The following VPS8 variants were observed in gnomAD, a reference collection of about 807,000 sequenced individuals.
The protein encoded by VPS8 is vacuolar protein sorting-associated protein 8 homolog.
Under a neutral mutation model 216.4 loss-of-function variants are expected in VPS8, and 129 were observed. The ratio of observed to expected loss-of-function variants is 0.60; its 90% confidence interval spans 0.52 to 0.69. The LOEUF is 0.69. VPS8 is among the 30% of genes least tolerant of loss of function. The probability of loss-of-function intolerance (pLI) is 0.00; values close to 1 mark genes in which losing one functional copy is unlikely to be tolerated. For missense variants in VPS8, 1,531 were observed against 1,683.5 expected (o/e 0.91, Z 1.59); for synonymous variants, 571 against 565.4 (o/e 1.01, Z -0.14).
intron 46 of VPS8, among the ~76,000 whole-genome samples, chr3:185,042,323 A>C (rs1711836404): frequency 6.6e-6 from 1 of 152,228 alleles, no homozygotes; most frequent in Non-Finnish European, 1.5e-5. Context: ...GCTAGGGCAG[A>C]TCCCCGGAGT....
At chr3:184,929,711 T>A in intron 33 of VPS8, 47 bp downstream of exon 33, 2 of 1,126,904 alleles carry the variant, frequency 1.8e-6, no homozygotes, top group Non-Finnish European at 2.5e-6. Context: ...CAACTTTCCC[T>A]CTTATTGAGT....
intron 26 of VPS8, among the ~76,000 whole-genome samples, chr3:184,914,752 C>G (rs1005157474): frequency 6.6e-6 from 1 of 152,132 alleles, no homozygotes; most frequent in African/African-American, 2.4e-5. Flanking sequence ...TACGAAGAAA[C>G]GAAAGCTCCC....
intron 42 of VPS8, among the ~76,000 whole-genome samples, chr3:184,985,498 G>A (rs1230642670): frequency 6.6e-6 from 1 of 152,136 alleles, no homozygotes; most frequent in Non-Finnish European, 1.5e-5. Flanking sequence ...ACTATTCATA[G>A]GGCTCTATTC....
intron 46 of VPS8, among the ~76,000 whole-genome samples, chr3:185,027,400 G>A (rs1402457633): frequency 2.0e-5 from 3 of 151,660 alleles, no homozygotes; most frequent in Non-Finnish European, 4.4e-5. Flanking sequence ...CCGCCACCAC[G>A]CCCGGCTAAT....
At position 184,996,507 on chromosome 3, in the gene VPS8, A is replaced by C; in HGVS notation, c.3836+6A>C. On this transcript the variant is annotated splice_donor_region_variant and intron_variant, in intron 44 of 47. Transcript: ENST00000625842. ...GATGAAATAATTGTCTTTAGGTAAG[A>C]AAGGGAAGGAAATGTTACATGTATG... 1 of 1,597,934 alleles carries C rather than the reference A, an allele frequency of 6.3e-7. No homozygotes were observed. The highest frequency in any genetic ancestry group is 8.5e-7 in the Non-Finnish European group (1 of 1,172,024).
chr3:185,033,237 G>A (rs193272807), intron 46 of VPS8, among the ~76,000 whole-genome samples: 13 of 152,248 alleles, frequency 8.5e-5, no homozygotes, highest in South Asian at 2.1e-4. Flanking sequence ...CCATTACACC[G>A]TCATACAGAA....
intron 34 of VPS8, among the ~76,000 whole-genome samples, chr3:184,935,966 G>A (rs1375050492): frequency 6.6e-6 from 1 of 152,080 alleles, no homozygotes; most frequent in Non-Finnish European, 1.5e-5. Context: ...TCTCCTGCAG[G>A]TATCATGGCT....
intron 36 of VPS8, among the ~76,000 whole-genome samples, chr3:184,946,351 C>T (rs1743664962): frequency 6.6e-6 from 1 of 152,208 alleles, no homozygotes; most frequent in Admixed American, 6.5e-5. Flanking sequence ...AATTAAATTC[C>T]ACTCATGGTT....
At chr3:184,990,022 G>A (rs939018157) in intron 42 of VPS8, among the ~76,000 whole-genome samples, 10 of 152,130 alleles carry the variant, frequency 6.6e-5, no homozygotes, top group Middle Eastern at 3.4e-3. Context: ...GCAGCGAGCC[G>A]AGACCACGCC....
Position 184,936,294 on chromosome 3 carries a change from C to A in VPS8, c.2947C>A (p.His983Asn). 6.2e-7 allele frequency: 1 copy of A among 1,611,918 alleles called. No homozygotes were observed. The highest frequency in any genetic ancestry group is 8.5e-7 in the Non-Finnish European group (1 of 1,179,082). Reference protein sequence around the residue: ...PCKAAELVATHFSGHIETVIK... With the variant: ...PCKAAELVATNFSGHIETVIK... ...TAAAGCTGCGGAGCTGGTTGCCACC[C>A]ACTTTTCTGGACATATTGAAACGGT... Residue 983 changes from histidine to asparagine, a missense_variant, in exon 35 of 48, where the codon CAC becomes AAC. Physicochemically the swap from His to Asn is moderately conservative, Grantham distance 68 (BLOSUM62 1). Around this residue, in one of 3 missense-constraint regions of VPS8, gnomAD observed 1,318 missense variants for 1,468.4 expected, o/e 0.90. Transcript: ENST00000625842.
intron 36 of VPS8, among the ~76,000 whole-genome samples, chr3:184,950,668 C>T (rs1018918273): frequency 6.6e-6 from 1 of 152,020 alleles, no homozygotes; most frequent in Non-Finnish European, 1.5e-5. Context: ...ATACATGTGC[C>T]ATGGTGGTTT....
chr3:184,910,281 A>G (rs1365894721), intron 25 of VPS8, among the ~76,000 whole-genome samples: 2 of 151,626 alleles, frequency 1.3e-5, no homozygotes, highest in Non-Finnish European at 2.9e-5. Context: ...CTAATTTTTA[A>G]ACTGTTTATG....
At chr3:184,907,899 G>T (rs1426862000) in intron 25 of VPS8, among the ~76,000 whole-genome samples, 1 of 152,114 alleles carries the variant, frequency 6.6e-6, no homozygotes, top group African/African-American at 2.4e-5. Context: ...GTCAGCCATG[G>T]GTTATAAATT....
intron 7 of VPS8, among the ~76,000 whole-genome samples, chr3:184,841,652 C>A (rs1407181523): frequency 6.6e-6 from 1 of 152,162 alleles, no homozygotes; most frequent in East Asian, 1.9e-4. Context: ...TAGAAAAGTT[C>A]TGTCAGCCTG....
intron 24 of VPS8, among the ~76,000 whole-genome samples, chr3:184,898,943 A>G (rs953400254): frequency 2.6e-5 from 4 of 152,130 alleles, no homozygotes; most frequent in African/African-American, 9.7e-5. Context: ...TTTTTCTCCT[A>G]AGAATTTTTG....
rs372412976 is a variant in VPS8, at chr3:184,940,195, A to G, written c.2989-2A>G. ...TGTAATTTTTATTGTTTTTCTGTTC[A>G]GAACCAGGTTTTGCTTTTCAAATTT... On this transcript the variant is annotated splice_acceptor_variant, in intron 35 of 47. Transcript: ENST00000625842. LOFTEE classifies it high-confidence loss of function. 6.7e-7 allele frequency: 1 copy of G among 1,493,242 alleles called. No homozygotes were observed. The highest frequency in any genetic ancestry group is 9.0e-7 in the Non-Finnish European group (1 of 1,113,490). The allele number at this position is 1,493,242 out of a possible 1,614,324, so 92.5% of individuals were successfully genotyped here.
At chr3:184,848,694 G>T (rs556543487) in intron 8 of VPS8, among the ~76,000 whole-genome samples, 21 of 151,496 alleles carry the variant, frequency 1.4e-4, no homozygotes, top group African/African-American at 4.8e-4. Context: ...TCAGCCTCTG[G>T]AGTAGCTGGG....
chr3:184,862,160 C>T (rs1172690375), intron 15 of VPS8, among the ~76,000 whole-genome samples: 7 of 152,072 alleles, frequency 4.6e-5, no homozygotes, highest in Non-Finnish European at 7.4e-5. Flanking sequence ...GGGCAGGGGA[C>T]GCACTTCGTT....
At chr3:184,943,496 T>C (rs1024903422) in intron 36 of VPS8, among the ~76,000 whole-genome samples, 5 of 152,204 alleles carry the variant, frequency 3.3e-5, no homozygotes, top group African/African-American at 1.2e-4. Flanking sequence ...AATACGGATA[T>C]AGGGTCAAAA....
Sources: gnomAD v4.1 joint callset for allele counts (sites outside exome capture counted in the v4.1 genomes callset) on GRCh38, gnomAD v4.1.1 for gene constraint, gnomAD v4.1.1 regional missense constraint, MANE v1.5 for transcripts, NCBI Gene and HGNC (gene_info 2026-07-23, HGNC 2026-07-21) for gene names.